Variants in PEX5L observed in about 807,000 individuals in gnomAD.
The protein encoded by PEX5L is peroxisomal biogenesis factor 5 like, also known as PEX5-related protein.
In PEX5L, 30 loss-of-function variants were observed where a neutral mutation model predicts 84.0. The observed-to-expected ratio is 0.36, with a 90% confidence interval of 0.27 to 0.48. The LOEUF is 0.48. Ranked by LOEUF, PEX5L falls within the 20% of genes least tolerant of loss-of-function variation. The probability of loss-of-function intolerance (pLI) is 0.99; values close to 1 mark genes in which losing one functional copy is unlikely to be tolerated. For missense variants in PEX5L, 533 were observed against 754.6 expected (o/e 0.71, Z 3.44); for synonymous variants, 270 against 283.1 (o/e 0.95, Z 0.46).
intron 2 of PEX5L, among the ~76,000 whole-genome samples, chr3:179,932,889 C>T (rs1340425931): frequency 1.3e-5 from 2 of 152,260 alleles, no homozygotes; most frequent in East Asian, 3.9e-4. Context: ...AATCTACTCT[C>T]TTAGAGATTT....
rs574439678 is a variant in PEX5L, at chr3:179,797,603, AAAATATATAT to A, written c.*4215_*4224del. 1,170 of 109,868 alleles carry A rather than the reference AAAATATATAT, an allele frequency of 0.011. 20 individuals are homozygous for A. Among genetic ancestry groups the A allele is most frequent in the African/African-American group, 0.039 (1,118 of 28,436 alleles). The allele number at this position is 109,868 out of a possible 1,614,324, so 6.8% of individuals were successfully genotyped here. A position where few individuals can be genotyped will look rare whatever the true frequency, so the allele number is the denominator to read the frequency against. On this transcript the variant is annotated 3_prime_UTR_variant, in exon 15 of 15. Transcript: ENST00000467460. ...TGAACACTCTTTAAAAAAAAAAAAA[AAAATATATAT>A]ATATATATATATATATATCTACTTC...
intron 1 of PEX5L, among the ~76,000 whole-genome samples, chr3:180,025,479 T>A (rs1314744920): frequency 6.6e-6 from 1 of 152,198 alleles, no homozygotes; most frequent in East Asian, 1.9e-4. Flanking sequence ...ATTAAAGCTA[T>A]ATGTTAATTA....
chr3:179,895,440 C>CT (rs2108948010), intron 3 of PEX5L, among the ~76,000 whole-genome samples: 1 of 152,158 alleles, frequency 6.6e-6, no homozygotes, highest in East Asian at 1.9e-4. Context: ...TCAACACATG[C>CT]TTTTTTACAT....
chr3:180,008,643 A>C (rs1244289393), intron 1 of PEX5L, among the ~76,000 whole-genome samples: 2 of 152,246 alleles, frequency 1.3e-5, no homozygotes, highest in African/African-American at 4.8e-5. Flanking sequence ...CCTCAGAATC[A>C]TGGCAGGAGG....
intron 8 of PEX5L, among the ~76,000 whole-genome samples, chr3:179,857,168 G>A (rs1458290379): frequency 1.3e-5 from 2 of 152,178 alleles, no homozygotes; most frequent in African/African-American, 4.8e-5. Flanking sequence ...TGAGATGTAG[G>A]TAGTTATATA....
chr3:179,919,953 T>A (rs755994884), intron 2 of PEX5L, among the ~76,000 whole-genome samples: 29 of 152,198 alleles, frequency 1.9e-4, no homozygotes, highest in Non-Finnish European at 8.8e-5. Context: ...TGCACCTGCC[T>A]CAGACTCCCA....
intron 1 of PEX5L, among the ~76,000 whole-genome samples, chr3:180,016,611 G>T (rs1226148769): frequency 6.6e-6 from 1 of 152,176 alleles, no homozygotes; most frequent in Non-Finnish European, 1.5e-5. Context: ...AGCCAGAGGG[G>T]CTCCAGAGGT....
intron 2 of PEX5L, among the ~76,000 whole-genome samples, chr3:179,937,999 A>G (rs781166348): frequency 6.6e-6 from 1 of 151,806 alleles, no homozygotes; most frequent in African/African-American, 2.4e-5. Flanking sequence ...CACCTCCTCC[A>G]TCTCTACCTC....
intron 2 of PEX5L, among the ~76,000 whole-genome samples, chr3:179,929,890 C>T (rs536423434): frequency 4.9e-4 from 74 of 152,288 alleles, no homozygotes; most frequent in African/African-American, 1.4e-3. Flanking sequence ...TTTATCAGAC[C>T]GGGACATAGC....
At chr3:179,845,678 T>C (rs1739048708) in intron 8 of PEX5L, among the ~76,000 whole-genome samples, 2 of 152,180 alleles carry the variant, frequency 1.3e-5, no homozygotes, top group African/African-American at 4.8e-5. Flanking sequence ...CAAATGTGGT[T>C]TCTAGTTCTG....
At chr3:179,913,204 A>G (rs1445329113) in intron 2 of PEX5L, among the ~76,000 whole-genome samples, 1 of 152,054 alleles carries the variant, frequency 6.6e-6, no homozygotes, top group Non-Finnish European at 1.5e-5. Context: ...CTTGCTTTTA[A>G]TTTCTTATAC....
At chr3:180,014,138 C>G (rs1789726937) in intron 1 of PEX5L, among the ~76,000 whole-genome samples, 1 of 152,194 alleles carries the variant, frequency 6.6e-6, no homozygotes, top group Non-Finnish European at 1.5e-5. Context: ...TGTCATGTCA[C>G]TAGTTTCTCT....
At chr3:180,032,972 T>A (rs1791592631) in intron 1 of PEX5L, among the ~76,000 whole-genome samples, 1 of 152,192 alleles carries the variant, frequency 6.6e-6, no homozygotes, top group Non-Finnish European at 1.5e-5. Flanking sequence ...TATGATAACC[T>A]ACTGTTTAGG....
intron 2 of PEX5L, among the ~76,000 whole-genome samples, chr3:179,925,841 C>T (rs1450127370): frequency 6.6e-6 from 1 of 152,016 alleles, no homozygotes; most frequent in African/African-American, 2.4e-5. Context: ...ACTTAATATA[C>T]CACAACATAC....
intron 11 of PEX5L, among the ~76,000 whole-genome samples, chr3:179,811,555 A>T (rs1723870278): frequency 6.6e-6 from 1 of 152,202 alleles, no homozygotes; most frequent in African/African-American, 2.4e-5. Flanking sequence ...GACTGGGTTT[A>T]ACACAGGCTT....
chr3:179,897,338 T>C (rs1759690973), intron 3 of PEX5L, among the ~76,000 whole-genome samples: 1 of 152,114 alleles, frequency 6.6e-6, no homozygotes, highest in African/African-American at 2.4e-5. Context: ...TAAAAATATT[T>C]CTCATTTGCG....
At position 179,808,341 on chromosome 3, in the gene PEX5L, C is replaced by G; in HGVS notation, c.1449G>C (p.Leu483=). The change falls in exon 13 of 15, where the codon CTG becomes CTC. Residue 483 remains leucine (L), a synonymous_variant. Transcript: ENST00000467460. The part of the protein sequence containing the change: ...DPDLQTGLGV[L]FHLSGEFNRA... Reference sequence around the variant, plus strand: ...TATTAAATTCTCCACTCAGGTGGAACAGAACCCCTAGACCTGTCTGCAGGT... The same window carrying G: ...TATTAAATTCTCCACTCAGGTGGAAGAGAACCCCTAGACCTGTCTGCAGGT... 5 of 1,605,840 alleles carry G rather than the reference C, an allele frequency of 3.1e-6. No individual in the cohort carries two copies. The highest frequency in any genetic ancestry group is 4.2e-6 in the Non-Finnish European group (5 of 1,176,750).
intron 13 of PEX5L, 142 bp downstream of exon 13, chr3:179,808,130 A>G: frequency 1.6e-6 from 1 of 642,056 alleles, no homozygotes; most frequent in Non-Finnish European, 2.5e-6. Flanking sequence ...CAGCCACAGT[A>G]GCACATTATT....
intron 1 of PEX5L, among the ~76,000 whole-genome samples, chr3:180,025,379 A>T (rs933109142): frequency 1.3e-5 from 2 of 152,224 alleles, no homozygotes; most frequent in Non-Finnish European, 2.9e-5. Flanking sequence ...ACTTTGCACT[A>T]CTAGTCTCCA....
Sources: gnomAD v4.1 joint callset for allele counts (sites outside exome capture counted in the v4.1 genomes callset) on GRCh38, gnomAD v4.1.1 for gene constraint, MANE v1.5 for transcripts, NCBI Gene and HGNC (gene_info 2026-07-23, HGNC 2026-07-21) for gene names.